Variants in DNAH2 observed in about 807,000 individuals in gnomAD.
DNAH2 encodes the protein dynein axonemal heavy chain 2.
A neutral mutation model predicts 523.5 loss-of-function variants in DNAH2; 323 were observed. The observed-to-expected ratio is 0.62, with a 90% CI of 0.56 to 0.68. The LOEUF (loss-of-function observed/expected upper bound fraction) is 0.68. Ranked by LOEUF, DNAH2 falls within the 30% of genes least tolerant of loss-of-function variation. DNAH2 has a pLI of 0.00. For missense variants in DNAH2, 4,907 were observed against 5,701.5 expected (o/e 0.86, Z 4.49); for synonymous variants, 2,093 against 2,177.4 (o/e 0.96, Z 1.08).
At position 7,787,047 on chromosome 17, in the gene DNAH2, C is replaced by CT; in HGVS notation, c.6603+15dup. ...ATGCCCGAGCAGGTCAGGGACGCGG[C>CT]TGACTCCTGGAGGCCTGCAGAGGCA... On this transcript the variant is annotated intron_variant, in intron 42 of 85. Coordinates refer to ENST00000572933, the MANE Select transcript of DNAH2 (RefSeq NM_020877.5). 6.2e-7 allele frequency: 1 copy of CT among 1,613,456 alleles called. No individual in the cohort carries two copies. The highest frequency in any genetic ancestry group is 1.7e-5 in the Admixed American group (1 of 59,986).
chr17:7,742,290 G>C (rs1038473775), intron 11 of DNAH2, among the ~76,000 whole-genome samples: 2 of 152,074 alleles, frequency 1.3e-5, no homozygotes, highest in African/African-American at 4.8e-5. Context: ...AGTTAGCCAG[G>C]TGTGGTGGCG....
intron 4 of DNAH2, among the ~76,000 whole-genome samples, chr17:7,730,374 C>T (rs16956936): frequency 0.11 from 16,289 of 151,980 alleles, 985 homozygotes; most frequent in Non-Finnish European, 0.12. Context: ...CTAACAGATA[C>T]GAAAGACTAA....
At chr17:7,826,185 A>C (rs2078012890) in intron 77 of DNAH2, among the ~76,000 whole-genome samples, 1 of 152,092 alleles carries the variant, frequency 6.6e-6, no homozygotes, top group Admixed American at 6.5e-5. Flanking sequence ...ACGCCCTACT[A>C]ATTTTTGCAT....
intron 33 of DNAH2, 33 bp downstream of exon 33, chr17:7,777,667 C>T (rs777057188): frequency 1.9e-5 from 31 of 1,610,610 alleles, no homozygotes; most frequent in African/African-American, 4.0e-5. Flanking sequence ...ACTCTCTTAC[C>T]GTAAAATGGA....
rs982616023 is a variant in DNAH2 at position 7,804,236 on chromosome 17, T to C, written c.8973-20T>C. The C allele has an allele frequency of 2.4e-5, 38 of 1,613,278 alleles. No individual in the cohort carries two copies. The highest frequency in any genetic ancestry group is 3.2e-5 in the Non-Finnish European group (38 of 1,179,690). ...CCGGAAGCCCCGCCTCTCCACACCC[T>C]GTCCTATTCTTTCCCCCAGGTTGCT... On this transcript the variant is annotated intron_variant, in intron 58 of 85. Coordinates refer to ENST00000572933, the MANE Select transcript of DNAH2 (RefSeq NM_020877.5).
Position 7,723,633 on chromosome 17 carries a change from C to T in DNAH2, c.172C>T (p.Arg58Trp), listed in dbSNP as rs756397640. 1.5e-5 allele frequency: 25 copies of T among 1,613,722 alleles called. No homozygotes were observed. Among genetic ancestry groups the T allele is most frequent in the Middle Eastern group, 1.6e-4 (1 of 6,084 alleles). Reference protein sequence around the residue: ...AELPKEEPEPRLEGPQAQSEE... With the variant: ...AELPKEEPEPWLEGPQAQSEE... Reference sequence around the variant, plus strand: ...TGTATGTTTATTCTTCCTAGAGCCACGGTTGGAGGGACCTCAAGCACAGAG... The same window carrying T: ...TGTATGTTTATTCTTCCTAGAGCCATGGTTGGAGGGACCTCAAGCACAGAG... Residue 58 changes from arginine to tryptophan, a missense_variant, in exon 3 of 86, where the codon CGG becomes TGG. This residue lies in a region of DNAH2 where 2,806 missense variants were observed against 3,190.8 expected (regional missense o/e 0.88). Coordinates refer to ENST00000572933, the MANE Select transcript of DNAH2 (RefSeq NM_020877.5).
Position 7,831,005 on chromosome 17 carries a change from C to A in DNAH2, c.12231-81C>A. 6 of 1,514,516 alleles carry A rather than the reference C, an allele frequency of 4.0e-6. No homozygotes were observed. The highest frequency in any genetic ancestry group is 4.5e-6 in the Non-Finnish European group (5 of 1,106,604). 93.8% of individuals were successfully genotyped at this position (1,514,516 alleles called of 1,614,324 possible). On this transcript the variant is annotated intron_variant, in intron 79 of 85. Transcript: ENST00000572933. The surrounding 1 kb of genome is among the most constrained non-coding windows in gnomAD (Gnocchi z 4.2). ...AGGGCAGGGAGCTGGACAAATTGGACATGCATAGGTTTGGGGTCTTGGCCT... is the reference window on the plus strand; with the variant it reads ...AGGGCAGGGAGCTGGACAAATTGGAAATGCATAGGTTTGGGGTCTTGGCCT...
At chr17:7,792,157 C>G in intron 45 of DNAH2, 88 bp downstream of exon 45, 1 of 1,601,090 alleles carries the variant, frequency 6.2e-7, no homozygotes, top group Non-Finnish European at 8.5e-7. Flanking sequence ...GGGTTTCCCT[C>G]TCTCTTTCTT....
chr17:7,808,192 G>A (rs887650809), intron 63 of DNAH2, among the ~76,000 whole-genome samples: 3 of 152,084 alleles, frequency 2.0e-5, no homozygotes, highest in African/African-American at 7.2e-5. Flanking sequence ...CCAACATGGT[G>A]AAACCCTATC....
rs765146322 is a variant in DNAH2, at chr17:7,824,193, C to T, written c.11551C>T (p.Leu3851=). ...LSPGVDPTSA[L]LQLAEHMGMA... is the part of the protein sequence containing the mutation. ...CCCTGGTGTGGACCCCACCAGTGCC[C>T]TGCTGCAGCTGGCAGAGCACATGGG... Residue 3851 remains leucine (L), a synonymous_variant, in exon 76 of 86, where the codon CTG becomes TTG. Transcript: ENST00000572933. 1 of 1,606,022 alleles carries T rather than the reference C, an allele frequency of 6.2e-7. No individual in the cohort carries two copies. Among genetic ancestry groups the T allele is most frequent in the Non-Finnish European group, 8.5e-7 (1 of 1,177,922 alleles).
intron 63 of DNAH2, among the ~76,000 whole-genome samples, chr17:7,808,859 C>T (rs2077437912): frequency 6.6e-6 from 1 of 152,234 alleles, no homozygotes; most frequent in South Asian, 2.1e-4. Flanking sequence ...ATCTGCCAGC[C>T]TCAGCCTCTC....
intron 58 of DNAH2, 133 bp downstream of exon 58, chr17:7,802,150 A>T (rs1597712780): frequency 7.9e-7 from 1 of 1,269,082 alleles, no homozygotes; most frequent in East Asian, 2.5e-5. Context: ...GGGAAGAGGG[A>T]GTTGGGGCTT....
At position 7,775,349 on chromosome 17, in the gene DNAH2, TGTG is replaced by T. The variant is rs753565475; in HGVS notation, c.4821+11_4821+13del. 2.5e-6 allele frequency: 4 copies of T among 1,607,658 alleles called. No homozygotes were observed. Among genetic ancestry groups the T allele is most frequent in the Non-Finnish European group, 3.4e-6 (4 of 1,176,536 alleles). ...TTTAGAAGGCCCTGTGGAGGTGAGT[TGTG>T]GTGAGGGTCTGAGGACCTAGCTGAT... On this transcript the variant is annotated splice_region_variant and intron_variant, in intron 30 of 85. Coordinates refer to ENST00000572933, the MANE Select transcript of DNAH2 (RefSeq NM_020877.5).
chr17:7,723,903 G>A (rs549431527), intron 3 of DNAH2, among the ~76,000 whole-genome samples: 4 of 152,028 alleles, frequency 2.6e-5, no homozygotes, highest in Non-Finnish European at 4.4e-5. Flanking sequence ...TAAGTAAGGC[G>A]CAGGTCTCTC....
intron 12 of DNAH2, chr17:7,743,367 A>C (rs1192053758): frequency 1.4e-6 from 1 of 709,088 alleles, no homozygotes; most frequent in Admixed American, 2.0e-5. Flanking sequence ...AAAACACAAC[A>C]AAACAAAACA....
Position 7,832,476 on chromosome 17 carries a change from T to C in DNAH2, c.12727-103T>C. The C allele has an allele frequency of 7.0e-7, 1 of 1,423,420 alleles. No individual in the cohort carries two copies. Among genetic ancestry groups the C allele is most frequent in the South Asian group, 1.3e-5 (1 of 76,840 alleles). 88.2% of individuals were successfully genotyped at this position (1,423,420 alleles called of 1,614,324 possible). On this transcript the variant is annotated intron_variant, in intron 82 of 85. Coordinates refer to ENST00000572933, the MANE Select transcript of DNAH2 (RefSeq NM_020877.5). This position sits in a 1 kb window ranked among gnomAD's most constrained non-coding sequence, Gnocchi z 4.3. ...GTGAGCCAAGATCGTACCACTGCAC[T>C]CCAGCCTGGGGGACAAGAGCAAAAC...
chr17:7,750,723 G>A (rs2075659108), intron 12 of DNAH2, among the ~76,000 whole-genome samples: 1 of 152,094 alleles, frequency 6.6e-6, no homozygotes, highest in African/African-American at 2.4e-5. Flanking sequence ...AGATATTTTA[G>A]CAGTTTTAAA....
Position 7,804,344 on chromosome 17 carries a change from G to C in DNAH2, c.9061G>C (p.Val3021Leu). 6.2e-7 allele frequency: 1 copy of C among 1,614,196 alleles called. No individual in the cohort carries two copies. Among genetic ancestry groups the C allele is most frequent in the Middle Eastern group, 1.6e-4 (1 of 6,062 alleles). Residue 3021 changes from valine to leucine, a missense_variant, in exon 59 of 86, where the codon GTG (valine) becomes CTG (leucine). Physicochemically the swap from Val to Leu is conservative, Grantham distance 32 (BLOSUM62 1). Transcript: ENST00000572933. ...CAAGATCGACGAAACTAGGGAAAAGGTGCAAGTGATGTCGTTGGAGCTGGA... is the reference window on the plus strand; with the variant it reads ...CAAGATCGACGAAACTAGGGAAAAGCTGCAAGTGATGTCGTTGGAGCTGGA... Reference protein sequence around the residue: ...LFKIDETREKVQVMSLELEDA... With the variant: ...LFKIDETREKLQVMSLELEDA...
At chr17:7,799,804 C>T (rs1369788704) in intron 56 of DNAH2, among the ~76,000 whole-genome samples, 1 of 151,916 alleles carries the variant, frequency 6.6e-6, no homozygotes, top group Non-Finnish European at 1.5e-5. Context: ...GGTGACAGAG[C>T]GAGACTCTGT....
Sources: allele counts gnomAD v4.1 joint callset (sites outside exome capture counted in the v4.1 genomes callset), GRCh38; gene constraint gnomAD v4.1.1; regional missense constraint gnomAD v4.1.1; non-coding constraint Gnocchi (gnomAD v3.1); transcripts MANE v1.5; gene names NCBI Gene and HGNC (gene_info 2026-07-23, HGNC 2026-07-21).